The following C16orf46 variants were observed in gnomAD, a reference collection of about 807,000 sequenced individuals.
C16orf46 encodes uncharacterized protein C16orf46.
Under a neutral mutation model 5.5 loss-of-function variants are expected in C16orf46, and 7 were observed. The observed-to-expected ratio is 1.28, with a 90% CI of 0.73 to 2.40. C16orf46 has a LOEUF of 2.40. Among genes scored for constraint, C16orf46 ranks in the 30% most tolerant of loss-of-function variants. The probability of loss-of-function intolerance (pLI) is 0.00; values close to 1 mark genes in which losing one functional copy is unlikely to be tolerated. For synonymous variants in C16orf46, 200 were observed against 184.1 expected (o/e 1.09, Z -0.70); for missense variants, 614 against 476.0 (o/e 1.29, Z -2.70).
In C16orf46 at chr16:81,068,073, T is replaced by C. The variant is rs528382702; in HGVS notation, c.-127-1792A>G. Among the ~76,000 whole-genome samples the C allele has an allele frequency of 2.8e-4, 43 of 152,330 alleles. No individual in the cohort carries two copies. The South Asian group carries it at 6.4e-3, about 23-fold the overall frequency. On this transcript the variant is annotated intron_variant, in intron 1 of 3. Coordinates refer to ENST00000299578, the MANE Select transcript of C16orf46 (RefSeq NM_152337.3). ...GAACAGGTGTAAATGCAGAAAAGAA[T>C]AGACATTACTATTTGGATCTGTGAC...
chr16:81,075,514 C>T lies in C16orf46; in HGVS notation c.-128+1622G>A, dbSNP rs145801046. Among the ~76,000 whole-genome samples, 30 of 152,236 alleles carry T rather than the reference C, an allele frequency of 2.0e-4. 1 individual carries two copies. Among genetic ancestry groups the T allele is most frequent in the African/African-American group, 6.3e-4 (26 of 41,544 alleles). The stretch of plus-strand genomic sequence containing the variant: ...CAGAGGCAGGAGAATCGCTTGAACC[C>T]GAGAGGCAGAGGTTGCAGTAAGCCG... On this transcript the variant is annotated intron_variant, in intron 1 of 3. Coordinates refer to ENST00000299578, the MANE Select transcript of C16orf46 (RefSeq NM_152337.3).
At chr16:81,062,905 T>C (rs1321390961) in intron 3 of C16orf46, among the ~76,000 whole-genome samples, 1 of 150,942 alleles carries the variant, frequency 6.6e-6, no homozygotes, top group Non-Finnish European at 1.5e-5. Context: ...AGTTTTCTTA[T>C]AGTTTTAAAT....
At chr16:81,064,651 G>A (rs1053826063) in intron 2 of C16orf46, among the ~76,000 whole-genome samples, 4 of 152,028 alleles carry the variant, frequency 2.6e-5, no homozygotes, top group Admixed American at 2.6e-4. Context: ...GGAGGCTGAG[G>A]CAGGAGAATC....
At chr16:81,057,962 G>A (rs549253762), downstream of C16orf46, 65 of 160,652 alleles carry the variant, frequency 4.0e-4, no homozygotes, top group South Asian at 9.3e-3. Context: ...CCCGGGAGGC[G>A]GAGGTTGCAG....
chr16:81,060,945 T>C, downstream of C16orf46: 1 of 1,338,354 alleles, frequency 7.5e-7, no homozygotes, highest in Non-Finnish European at 9.6e-7. Context: ...AACACATGAA[T>C]ATGGTGTTTT....
chr16:81,067,126 G>A (rs1283030508), intron 1 of C16orf46, among the ~76,000 whole-genome samples: 2 of 152,118 alleles, frequency 1.3e-5, no homozygotes, highest in African/African-American at 2.4e-5. Flanking sequence ...ACGAAAGAAA[G>A]ATGGTGAATG....
chr16:81,071,421 G>C (rs1338832986), intron 1 of C16orf46, among the ~76,000 whole-genome samples: 1 of 152,184 alleles, frequency 6.6e-6, no homozygotes, highest in Non-Finnish European at 1.5e-5. Context: ...AAGAAACACT[G>C]GTTTCAATTA....
At chr16:81,059,906 A>G (rs954915386), downstream of C16orf46, among the ~76,000 whole-genome samples, 1 of 151,492 alleles carries the variant, frequency 6.6e-6, no homozygotes. Context: ...CTCCTGCCTC[A>G]GCCTCCTGAG....
intron 2 of C16orf46, among the ~76,000 whole-genome samples, chr16:81,064,597 A>G (rs1971593470): frequency 6.6e-6 from 1 of 151,358 alleles, no homozygotes; most frequent in Non-Finnish European, 1.5e-5. Flanking sequence ...AAAATACAAA[A>G]TTAGCTGGGT....
At chr16:81,062,209 A>C in intron 3 of C16orf46, 71 bp from the exon 4 acceptor site, 1 of 1,393,104 alleles carries the variant, frequency 7.2e-7, no homozygotes, top group Non-Finnish European at 9.5e-7. Flanking sequence ...TTTTGGCCAC[A>C]TTCCCATTTT....
intron 3 of C16orf46, among the ~76,000 whole-genome samples, chr16:81,054,719 G>A (rs1179004681): frequency 1.3e-5 from 2 of 152,032 alleles, no homozygotes. Context: ...CGTGATCTCG[G>A]CTCACTGCAA....
intron 3 of C16orf46, chr16:81,055,367 C>T (rs1945693177): frequency 6.6e-6 from 1 of 152,138 alleles, no homozygotes; most frequent in African/African-American, 2.4e-5. Flanking sequence ...AACTATATTA[C>T]ATTTTCAAGC....
At chr16:81,067,648 G>A (rs1971692620) in intron 1 of C16orf46, among the ~76,000 whole-genome samples, 1 of 152,070 alleles carries the variant, frequency 6.6e-6, no homozygotes, top group African/African-American at 2.4e-5. Flanking sequence ...CGCCTCCTGG[G>A]TTCAAGCGAT....
intron 1 of C16orf46, among the ~76,000 whole-genome samples, chr16:81,073,394 G>A (rs1325286695): frequency 1.3e-5 from 2 of 152,264 alleles, no homozygotes; most frequent in East Asian, 3.9e-4. Context: ...AGAGAAAAAT[G>A]GGTAAAAATA....
rs772703001 is a variant in C16orf46 at position 81,061,149 on chromosome 16, T to C, written c.*12A>G. 5 of 1,581,242 alleles carry C rather than the reference T, an allele frequency of 3.2e-6. No individual in the cohort carries two copies. Among genetic ancestry groups the C allele is most frequent in the Non-Finnish European group, 4.3e-6 (5 of 1,163,348 alleles). Reference sequence around the variant, plus strand: ...AAACGGTGCTTATTCCCAGGGGTTCTACCGCAACCGCTCAGAGGATCCTGT... The same window carrying C: ...AAACGGTGCTTATTCCCAGGGGTTCCACCGCAACCGCTCAGAGGATCCTGT... On this transcript the variant is annotated 3_prime_UTR_variant, in exon 4 of 4. Transcript: ENST00000299578.
downstream of C16orf46, among the ~76,000 whole-genome samples, chr16:81,058,843 A>G (rs1396509201): frequency 1.3e-5 from 2 of 152,110 alleles, no homozygotes; most frequent in Middle Eastern, 3.2e-3. Flanking sequence ...GCCTTATGTG[A>G]TATTTTCCAC....
At chr16:81,057,220 C>G (rs1254140271), downstream of C16orf46, among the ~76,000 whole-genome samples, 3 of 152,036 alleles carry the variant, frequency 2.0e-5, no homozygotes, top group African/African-American at 7.2e-5. Flanking sequence ...CCCACCTGGG[C>G]CATTCAATCC....
At chr16:81,070,527 A>T (rs2151756568) in intron 1 of C16orf46, among the ~76,000 whole-genome samples, 1 of 152,354 alleles carries the variant, frequency 6.6e-6, no homozygotes, top group East Asian at 1.9e-4. Context: ...AAACAAAGGC[A>T]CACAAATAAT....
downstream of C16orf46, chr16:81,060,891 G>T: frequency 1.0e-6 from 1 of 975,114 alleles, no homozygotes; most frequent in Non-Finnish European, 1.3e-6. Context: ...GGGCTGGCAA[G>T]ACCAATTGGC....
Sources: gnomAD v4.1 joint callset for allele counts (sites outside exome capture counted in the v4.1 genomes callset) on GRCh38, gnomAD v4.1.1 for gene constraint, MANE v1.5 for transcripts, NCBI Gene and HGNC (gene_info 2026-07-23, HGNC 2026-07-21) for gene names.